Variants in CENPC observed in about 807,000 individuals in gnomAD.
CENPC encodes CENP-C 1.
In CENPC, 63 loss-of-function variants were observed where a neutral mutation model predicts 112.1. The ratio of observed to expected loss-of-function variants is 0.56; its 90% CI spans 0.46 to 0.69. CENPC has a LOEUF of 0.69. CENPC is among the 30% of genes least tolerant of loss of function. The probability of loss-of-function intolerance (pLI) is 0.00; values close to 1 mark genes in which losing one functional copy is unlikely to be tolerated. For synonymous variants in CENPC, 333 were observed against 367.6 expected (o/e 0.91, Z 1.08); for missense variants, 1,000 against 1,103.8 (o/e 0.91, Z 1.33).
rs1450478683 is a variant in CENPC at position 67,492,218 on chromosome 4, C to G, written c.2477G>C (p.Arg826Thr). ...CTCTCTTGTTTCTGGGTCCTTTACC[C>G]TCGTTGGCTGCAAAGGATCTCCAAG... The part of the protein sequence containing the change: ...IPLGDPLQPT[R>T]VKDPETREII... Residue 826 changes from arginine to threonine, a missense_variant, in exon 16 of 19, where the codon AGG becomes ACG. Transcript: ENST00000273853. 1 of 1,569,372 alleles carries G rather than the reference C, an allele frequency of 6.4e-7. No homozygotes were observed. Among genetic ancestry groups the G allele is most frequent in the Non-Finnish European group, 8.7e-7 (1 of 1,155,188 alleles).
chr4:67,515,435 C>T (rs1443371965), intron 7 of CENPC, among the ~76,000 whole-genome samples: 2 of 151,412 alleles, frequency 1.3e-5, no homozygotes, highest in Non-Finnish European at 2.9e-5. Flanking sequence ...CACTGCACTC[C>T]AGCCTGGGTG....
intron 16 of CENPC, among the ~76,000 whole-genome samples, chr4:67,490,869 TATATATATAGAA>T (rs1477385096): frequency 6.7e-5 from 2 of 29,704 alleles, no homozygotes; most frequent in African/African-American, 2.8e-4. Flanking sequence ...TATATATATA[TATATATATAGAA>T]ATATATAGAA....
At chr4:67,513,472 G>A (rs753980936) in intron 8 of CENPC, among the ~76,000 whole-genome samples, 39 of 152,190 alleles carry the variant, frequency 2.6e-4, no homozygotes, top group Non-Finnish European at 5.3e-4. Flanking sequence ...ATTATAGAGC[G>A]CATCTTTCAA....
intron 17 of CENPC, among the ~76,000 whole-genome samples, chr4:67,487,305 C>A (rs1434095386): frequency 6.7e-6 from 1 of 149,348 alleles, no homozygotes; most frequent in African/African-American, 2.6e-5. Flanking sequence ...CCAACAGTAA[C>A]AAATTTTTGT....
At chr4:67,536,281 A>C (rs1171336783) in intron 4 of CENPC, among the ~76,000 whole-genome samples, 1 of 152,214 alleles carries the variant, frequency 6.6e-6, no homozygotes. Context: ...AAATATAAAA[A>C]ATGCAATAGA....
At chr4:67,516,249 ATC>A (rs973860055) in intron 7 of CENPC, among the ~76,000 whole-genome samples, 4 of 152,006 alleles carry the variant, frequency 2.6e-5, no homozygotes, top group African/African-American at 9.7e-5. Context: ...AAGGACAGTA[ATC>A]TGATAGACTG....
intron 4 of CENPC, among the ~76,000 whole-genome samples, chr4:67,533,345 T>C (rs1321269720): frequency 6.6e-6 from 1 of 152,202 alleles, no homozygotes; most frequent in Non-Finnish European, 1.5e-5. Context: ...CTCCAAGCCA[T>C]GTGGAACTGT....
At chr4:67,487,996 T>C (rs1725137742) in intron 17 of CENPC, among the ~76,000 whole-genome samples, 3 of 151,878 alleles carry the variant, frequency 2.0e-5, no homozygotes, top group South Asian at 4.1e-4. Flanking sequence ...ACTTCAGCTT[T>C]AATTTTCATT....
In CENPC at chr4:67,545,411, C is replaced by A; in HGVS notation, c.-56G>T. Reference sequence around the variant, plus strand: ...CTGAGGTGGAAGCCCACACGGACCACAGCTCCAGGAAGCCGAGCAAGAAAC... The same window carrying A: ...CTGAGGTGGAAGCCCACACGGACCAAAGCTCCAGGAAGCCGAGCAAGAAAC... On this transcript the variant is annotated 5_prime_UTR_variant, in exon 1 of 19. Transcript: ENST00000273853. The A allele has an allele frequency of 6.8e-7, 1 of 1,463,582 alleles. No homozygotes were observed. Among genetic ancestry groups the A allele is most frequent in the Non-Finnish European group, 9.1e-7 (1 of 1,102,188 alleles). The allele number at this position is 1,463,582 out of a possible 1,614,324, so 90.7% of individuals were successfully genotyped here.
rs140688350 is a variant in CENPC at position 67,500,317 on chromosome 4, T to C, written c.2131+4888A>G. Among the ~76,000 whole-genome samples the C allele has an allele frequency of 1.2e-3, 186 of 152,248 alleles. 1 individual carries two copies. The highest frequency in any genetic ancestry group is 4.2e-3 in the African/African-American group (173 of 41,538). On this transcript the variant is annotated intron_variant, in intron 12 of 18. Coordinates refer to ENST00000273853, the MANE Select transcript of CENPC (RefSeq NM_001812.4). Reference sequence around the variant, plus strand: ...ATAAATATAAATATAGAAATAGATATAGATGCCTGTATTGTATATGGTGTG... The same window carrying C: ...ATAAATATAAATATAGAAATAGATACAGATGCCTGTATTGTATATGGTGTG...
intron 12 of CENPC, among the ~76,000 whole-genome samples, chr4:67,500,105 G>A (rs565563939): frequency 6.6e-6 from 1 of 151,910 alleles, no homozygotes; most frequent in Admixed American, 6.6e-5. Flanking sequence ...TAATGAAAAA[G>A]TTTGATATAC....
At chr4:67,545,311 C>A (rs1228014580) in intron 1 of CENPC, 27 bp downstream of exon 1, 3 of 1,464,882 alleles carry the variant, frequency 2.0e-6, no homozygotes, top group African/African-American at 2.9e-5. Context: ...CTCAACCACT[C>A]GCCTGGAGCG....
At chr4:67,485,057 C>CA (rs1725058019) in intron 17 of CENPC, among the ~76,000 whole-genome samples, 1 of 152,114 alleles carries the variant, frequency 6.6e-6, no homozygotes, top group African/African-American at 2.4e-5. Context: ...CACGCCACTG[C>CA]ACTCCAGCCT....
chr4:67,503,212 C>G (rs1319962469), intron 12 of CENPC, among the ~76,000 whole-genome samples: 2 of 152,166 alleles, frequency 1.3e-5, no homozygotes, highest in Non-Finnish European at 2.9e-5. Context: ...CTCTCTTCCT[C>G]TGCTCTAACC....
chr4:67,481,015 G>A (rs1045028374), intron 17 of CENPC, among the ~76,000 whole-genome samples: 1 of 152,152 alleles, frequency 6.6e-6, no homozygotes, highest in African/African-American at 2.4e-5. Context: ...GTTGCTGTTT[G>A]CCAATGATAT....
chr4:67,490,087 A>T lies in CENPC; in HGVS notation c.2550T>A (p.Phe850Leu). The T allele has an allele frequency of 6.2e-7, 1 of 1,608,614 alleles. No individual in the cohort carries two copies. The highest frequency in any genetic ancestry group is 8.5e-7 in the Non-Finnish European group (1 of 1,177,752). ...ATACCTTCAACTCACCATGCTTAACAAAAAATTGATATGTATCTTGTGGCC... is the reference window on the plus strand; with the variant it reads ...ATACCTTCAACTCACCATGCTTAACTAAAAATTGATATGTATCTTGTGGCC... ...LVRPQDTYQF[F>L]VKHGELKVYK... The change falls in exon 17 of 19, where the codon TTT (phenylalanine) becomes TTA (leucine). Residue 850 changes from phenylalanine to leucine, a missense_variant. Transcript: ENST00000273853.
In CENPC at chr4:67,516,491, T is replaced by C. The variant is rs1016578041; in HGVS notation, c.830+1665A>G. On this transcript the variant is annotated intron_variant, in intron 7 of 18. Coordinates refer to ENST00000273853, the MANE Select transcript of CENPC (RefSeq NM_001812.4). ...ATGTTTTTCTCTTTTAATTAGAACA[T>C]ACACAAGGAATCAGAAATGAAAATG... is the stretch of plus-strand genomic sequence containing the variant. Among the ~76,000 whole-genome samples the C allele has an allele frequency of 7.9e-5, 12 of 151,954 alleles. 1 individual carries two copies. The highest frequency in any genetic ancestry group is 2.4e-4 in the African/African-American group (10 of 41,258).
At position 67,519,518 on chromosome 4, in the gene CENPC, A is replaced by T. The variant is rs769026492; in HGVS notation, c.332-16T>A. ...TGGGCCTGAACTAGAAGAAAATTAT[A>T]TAAAGATATTTGTCAATTAAAAGAA... On this transcript the variant is annotated splice_polypyrimidine_tract_variant and intron_variant, in intron 5 of 18. Transcript: ENST00000273853. 4 of 1,427,188 alleles carry T rather than the reference A, an allele frequency of 2.8e-6. No individual in the cohort carries two copies. The East Asian group carries it at 1.0e-4, about 36-fold the overall frequency. The allele number at this position is 1,427,188 out of a possible 1,614,324, so 88.4% of individuals were successfully genotyped here. A position where few individuals can be genotyped will look rare whatever the true frequency, so the allele number is the denominator to read the frequency against.
intron 4 of CENPC, among the ~76,000 whole-genome samples, chr4:67,534,404 C>T (rs1726654611): frequency 6.6e-6 from 1 of 151,904 alleles, no homozygotes; most frequent in South Asian, 2.1e-4. Flanking sequence ...AGTGCTTTTT[C>T]TCAAAAAAAA....
Sources: allele counts gnomAD v4.1 joint callset (sites outside exome capture counted in the v4.1 genomes callset), GRCh38; gene constraint gnomAD v4.1.1; transcripts MANE v1.5; gene names NCBI Gene and HGNC (gene_info 2026-07-23, HGNC 2026-07-21).